Variants in PPP4R2 observed in about 807,000 individuals in gnomAD.
The protein encoded by PPP4R2 is serine/threonine-protein phosphatase 4 regulatory subunit 2.
A neutral mutation model predicts 47.2 loss-of-function variants in PPP4R2; 13 were observed. The observed-to-expected ratio is 0.28, with a 90% confidence interval of 0.18 to 0.44. The LOEUF (loss-of-function observed/expected upper bound fraction) is 0.44, where lower values mean the gene tolerates loss of function less well. Ranked by LOEUF, PPP4R2 falls within the 20% of genes least tolerant of loss-of-function variation. The pLI is 1.00. For missense variants in PPP4R2, 421 were observed against 491.2 expected, an observed-to-expected ratio of 0.86 and a Z score of 1.35; for synonymous variants, 151 against 163.3, an observed-to-expected ratio of 0.92 and a Z score of 0.57.
intron 2 of PPP4R2, among the ~76,000 whole-genome samples, chr3:73,022,043 C>G (rs1048643902): frequency 6.6e-6 from 1 of 151,596 alleles, no homozygotes; most frequent in African/African-American, 2.4e-5. Context: ...TCTAGAGGTG[C>G]CTGCCACCAC....
At chr3:73,063,245 A>C in intron 5 of PPP4R2, 1 of 311,552 alleles carries the variant, frequency 3.2e-6, no homozygotes, top group Non-Finnish European at 6.2e-6. Context: ...TCTACCCCGT[A>C]AGATCTTGAG....
rs189695481 is a variant in PPP4R2 at position 73,015,007 on chromosome 3, A to T, written c.116+16849A>T. On this transcript the variant is annotated intron_variant, in intron 2 of 8. Coordinates refer to ENST00000356692, the MANE Select transcript of PPP4R2 (RefSeq NM_174907.4). ...ATGTAAGCAGCCTCACCCAGTCGTA[A>T]TTTTTTTTCCTCGAAATATACTCCT... The T allele has an allele frequency of 9.3e-5, 62 of 669,564 alleles. No individual in the cohort carries two copies. The African/African-American group carries it at 1.0e-3, about 11-fold the overall frequency. 41.5% of individuals were successfully genotyped at this position (669,564 alleles called of 1,614,324 possible).
chr3:73,003,770 C>T (rs1701535583), intron 2 of PPP4R2, among the ~76,000 whole-genome samples: 2 of 151,930 alleles, frequency 1.3e-5, no homozygotes, highest in African/African-American at 4.8e-5. Context: ...GCGATCTTGA[C>T]TCACTACAAC....
intron 2 of PPP4R2, among the ~76,000 whole-genome samples, chr3:73,016,999 G>T (rs577217935): frequency 6.6e-6 from 1 of 151,712 alleles, no homozygotes; most frequent in Admixed American, 6.6e-5. Flanking sequence ...GCTAATTTTT[G>T]TATTTTTAGT....
chr3:73,000,439 A>AC (rs1195487151), intron 2 of PPP4R2, among the ~76,000 whole-genome samples: 6 of 151,828 alleles, frequency 4.0e-5, no homozygotes, highest in South Asian at 2.1e-4. Flanking sequence ...AAAATCAGTG[A>AC]CCCCCCAGGC....
rs1297398895 is a variant in PPP4R2, at chr3:73,069,100, C to G, written c.*3378C>G. 1 of 152,172 alleles carries G rather than the reference C, an allele frequency of 6.6e-6. No homozygotes were observed. Among genetic ancestry groups the G allele is most frequent in the Non-Finnish European group, 1.5e-5 (1 of 68,040 alleles). 9.4% of individuals were successfully genotyped at this position (152,172 alleles called of 1,614,324 possible). On this transcript the variant is annotated 3_prime_UTR_variant, in exon 9 of 9. Transcript: ENST00000356692. ...TCTTACTATTTCACATTTTAAAAAT[C>G]AGTACACTCTTCAGGATTTTCTTTT...
intron 2 of PPP4R2, among the ~76,000 whole-genome samples, chr3:73,032,541 C>G (rs1177486130): frequency 6.6e-6 from 1 of 152,166 alleles, no homozygotes; most frequent in Non-Finnish European, 1.5e-5. Context: ...CCCGCCCTGG[C>G]CTCCCAAAGT....
At chr3:73,040,819 A>G (rs1361826405) in intron 2 of PPP4R2, among the ~76,000 whole-genome samples, 1 of 152,048 alleles carries the variant, frequency 6.6e-6, no homozygotes, top group East Asian at 1.9e-4. Flanking sequence ...AGCCCTAAAT[A>G]TTTTTTTAAA....
intron 2 of PPP4R2, among the ~76,000 whole-genome samples, chr3:73,004,986 TG>T: frequency 7.1e-6 from 1 of 139,974 alleles, no homozygotes; most frequent in Non-Finnish European, 1.5e-5. Context: ...TGTGTGTGTG[TG>T]TGTTTTGAGT....
At chr3:73,023,360 A>G (rs925611315) in intron 2 of PPP4R2, among the ~76,000 whole-genome samples, 2 of 151,894 alleles carry the variant, frequency 1.3e-5, no homozygotes, top group Admixed American at 1.3e-4. Flanking sequence ...CTAATTTTGT[A>G]TTTTTAGTAG....
intron 2 of PPP4R2, among the ~76,000 whole-genome samples, chr3:73,031,132 A>G (rs778993118): frequency 8.5e-5 from 13 of 152,254 alleles, no homozygotes; most frequent in Non-Finnish European, 1.6e-4. Context: ...TGGAGTAAGT[A>G]TAACATATGT....
At chr3:73,063,017 GA>G (rs759475324) in intron 5 of PPP4R2, 8 of 961,402 alleles carry the variant, frequency 8.3e-6, no homozygotes, top group African/African-American at 1.7e-5. Flanking sequence ...TCTTTGAGGA[GA>G]AAAAAAACAA....
chr3:73,005,134 G>C (rs1186031482), intron 2 of PPP4R2, among the ~76,000 whole-genome samples: 1 of 151,986 alleles, frequency 6.6e-6, no homozygotes, highest in African/African-American at 2.4e-5. Flanking sequence ...GTAGAGACGG[G>C]GTTTCACCAT....
chr3:73,058,915 C>T (rs779117575), intron 3 of PPP4R2, 122 bp from the exon 4 acceptor site: 3 of 551,386 alleles, frequency 5.4e-6, no homozygotes, highest in Non-Finnish European at 9.4e-6. Flanking sequence ...CCTATTATAG[C>T]ATTTTCTTTT....
rs1703042547 is a variant in PPP4R2 at position 73,068,324 on chromosome 3, A to G, written c.*2602A>G. ...TTGCTTACCTGTTCTCTAGACTATAACCCAACATGTAAAAAAAATTTGAAG... is the reference window on the plus strand; with the variant it reads ...TTGCTTACCTGTTCTCTAGACTATAGCCCAACATGTAAAAAAAATTTGAAG... On this transcript the variant is annotated 3_prime_UTR_variant, in exon 9 of 9. Coordinates refer to ENST00000356692, the MANE Select transcript of PPP4R2 (RefSeq NM_174907.4). 6.6e-6 allele frequency: 1 copy of G among 152,102 alleles called. No individual in the cohort carries two copies. Among genetic ancestry groups the G allele is most frequent in the Non-Finnish European group, 1.5e-5 (1 of 68,014 alleles). 9.4% of individuals were successfully genotyped at this position (152,102 alleles called of 1,614,324 possible). A position where few individuals can be genotyped will look rare whatever the true frequency, so the allele number is the denominator to read the frequency against.
At position 73,066,239 on chromosome 3, in the gene PPP4R2, C is replaced by CATATATATATATATATATATATATAT. The variant is rs148662984; in HGVS notation, c.*540_*541insTATATATATATATATATATATATATA. ...TGGAACTTTAAGTCATATATACATA[C>CATATATATATATATATATATATATAT]ATATATATATATATATATATATAAT... is the stretch of plus-strand genomic sequence containing the variant. On this transcript the variant is annotated 3_prime_UTR_variant, in exon 9 of 9. Coordinates refer to ENST00000356692, the MANE Select transcript of PPP4R2 (RefSeq NM_174907.4). 5 of 134,106 alleles carry CATATATATATATATATATATATATAT rather than the reference C, an allele frequency of 3.7e-5. No homozygotes were observed. The highest frequency in any genetic ancestry group is 7.6e-5 in the Admixed American group (1 of 13,156). The allele number at this position is 134,106 out of a possible 1,614,324, so 8.3% of individuals were successfully genotyped here.
intron 5 of PPP4R2, 33 bp from the exon 6 acceptor site, chr3:73,063,640 A>T: frequency 7.6e-7 from 1 of 1,321,928 alleles, no homozygotes; most frequent in Non-Finnish European, 1.1e-6. Flanking sequence ...AAAAAAATTA[A>T]GTCATCCACA....
At chr3:73,004,758 CTGA>C (rs1418529543) in intron 2 of PPP4R2, among the ~76,000 whole-genome samples, 2 of 152,242 alleles carry the variant, frequency 1.3e-5, no homozygotes, top group Non-Finnish European at 2.9e-5. Flanking sequence ...CTGTTAACAT[CTGA>C]TGATAATTTT....
chr3:73,051,248 A>G (rs1262938393), intron 3 of PPP4R2, among the ~76,000 whole-genome samples: 1 of 152,120 alleles, frequency 6.6e-6, no homozygotes, highest in Non-Finnish European at 1.5e-5. Flanking sequence ...TAGAAATGTA[A>G]TTGCTAGGTT....
Sources: gnomAD v4.1 joint callset for allele counts (sites outside exome capture counted in the v4.1 genomes callset) on GRCh38, gnomAD v4.1.1 for gene constraint, MANE v1.5 for transcripts, NCBI Gene and HGNC (gene_info 2026-07-23, HGNC 2026-07-21) for gene names.